Variants in ETS1 observed in about 807,000 individuals in gnomAD.
ETS1 encodes protein C-ets-1.
A neutral mutation model predicts 58.6 loss-of-function variants in ETS1; 15 were observed. The observed-to-expected ratio is 0.26, with a 90% CI of 0.17 to 0.39. The LOEUF (loss-of-function observed/expected upper bound fraction) is 0.39, where lower values mean the gene tolerates loss of function less well. Among genes scored for constraint, ETS1 ranks in the 10% least tolerant of loss-of-function variants. ETS1 has a pLI of 1.00. For missense variants in ETS1, 417 were observed against 610.5 expected (o/e 0.68, Z 3.34); for synonymous variants, 214 against 218.2 (o/e 0.98, Z 0.17).
chr11:128,573,113 A>C lies in ETS1; in HGVS notation c.18T>G (p.Asp6Glu). MSYFV[D>E]SAGSSPVPYS... ...AAGGGACGGGGCTGCTCCCAGCAGA[A>C]TCCACAAAGTAGCTCATTCTGCTCT... is the stretch of plus-strand genomic sequence containing the variant. The change falls in exon 2 of 10, where the codon GAT becomes GAG. Residue 6 changes from aspartate to glutamate, a missense_variant. Asp to Glu is a conservative substitution (Grantham distance 45). Coordinates refer to ENST00000392668, the MANE Select transcript of ETS1 (RefSeq NM_001143820.2). The C allele has an allele frequency of 6.3e-7, 1 of 1,597,416 alleles. No homozygotes were observed. The highest frequency in any genetic ancestry group is 1.3e-5 in the African/African-American group (1 of 74,786).
intron 8 of ETS1, among the ~76,000 whole-genome samples, chr11:128,474,949 C>T (rs1163858720): frequency 6.6e-6 from 1 of 152,266 alleles, no homozygotes; most frequent in African/African-American, 2.4e-5. Flanking sequence ...CCAGCTTTGC[C>T]TGGCCTGCAG....
intron 2 of ETS1, among the ~76,000 whole-genome samples, chr11:128,566,601 G>A (rs1380182519): frequency 6.6e-6 from 1 of 151,948 alleles, no homozygotes; most frequent in Non-Finnish European, 1.5e-5. Flanking sequence ...GGCTAACACA[G>A]TGAAACCCCG....
rs544786015 is a variant in ETS1, at chr11:128,508,980, T to C, written c.215-18404A>G. On this transcript the variant is annotated intron_variant, in intron 3 of 9. Transcript: ENST00000392668. Reference sequence around the variant, plus strand: ...TCACTCTCTGCCTGCACCATGCCACTAGGCAGATATTTTGATCAAAGCCAG... The same window carrying C: ...TCACTCTCTGCCTGCACCATGCCACCAGGCAGATATTTTGATCAAAGCCAG... 2.5e-4 allele frequency among the ~76,000 whole-genome samples: 38 copies of C among 152,270 alleles called. No individual in the cohort carries two copies. The East Asian group carries it at 7.1e-3, about 29-fold the overall frequency.
At chr11:128,577,475 G>C (rs965902766) in intron 1 of ETS1, among the ~76,000 whole-genome samples, 1 of 152,214 alleles carries the variant, frequency 6.6e-6, no homozygotes, top group Non-Finnish European at 1.5e-5. Context: ...CCAAGGGGGA[G>C]ATTTAGTTCA....
chr11:128,541,499 T>C (rs975772395), intron 3 of ETS1, among the ~76,000 whole-genome samples: 2 of 152,196 alleles, frequency 1.3e-5, no homozygotes, highest in African/African-American at 4.8e-5. Flanking sequence ...CAGAAATAAA[T>C]GGTGAAGTCC....
intron 3 of ETS1, among the ~76,000 whole-genome samples, chr11:128,496,692 T>C (rs763494916): frequency 6.6e-6 from 1 of 152,184 alleles, no homozygotes; most frequent in Non-Finnish European, 1.5e-5. Context: ...AGACAGTCTC[T>C]ATTGCCCTCT....
intron 3 of ETS1, among the ~76,000 whole-genome samples, chr11:128,550,839 T>TCC (rs1864217931): frequency 6.6e-6 from 1 of 152,226 alleles, no homozygotes; most frequent in Non-Finnish European, 1.5e-5. Flanking sequence ...TAGTTGGGCA[T>TCC]TAGCATAGAC....
chr11:128,554,901 T>C (rs1565407904), intron 3 of ETS1, among the ~76,000 whole-genome samples: 1 of 152,178 alleles, frequency 6.6e-6, no homozygotes, highest in Non-Finnish European at 1.5e-5. Flanking sequence ...TTTTCTCATG[T>C]CCTCAAATTT....
chr11:128,561,583 C>T (rs1458809315), intron 2 of ETS1, among the ~76,000 whole-genome samples: 4 of 151,756 alleles, frequency 2.6e-5, no homozygotes, highest in African/African-American at 7.3e-5. Flanking sequence ...CCATGGGTGT[C>T]GAGGGGAAGA....
rs985834276 is a variant in ETS1, at chr11:128,460,787, G to C, written c.*1574C>G. 1 of 152,230 alleles carries C rather than the reference G, an allele frequency of 6.6e-6. No individual in the cohort carries two copies. Among genetic ancestry groups the C allele is most frequent in the African/African-American group, 2.4e-5 (1 of 41,392 alleles). The allele number at this position is 152,230 out of a possible 1,614,324, so 9.4% of individuals were successfully genotyped here. ...CATGGACAACCTTATTTTCCTCACT[G>C]AACCTCCTTCCTTAGTTTCCTTTGC... On this transcript the variant is annotated 3_prime_UTR_variant, in exon 10 of 10. Coordinates refer to ENST00000392668, the MANE Select transcript of ETS1 (RefSeq NM_001143820.2).
intron 3 of ETS1, among the ~76,000 whole-genome samples, chr11:128,514,352 C>G (rs1308127012): frequency 6.6e-6 from 1 of 152,174 alleles, no homozygotes; most frequent in Non-Finnish European, 1.5e-5. Flanking sequence ...TCAAAACGCT[C>G]TTTGGGTCCT....
chr11:128,556,230 C>A, intron 3 of ETS1, 61 bp downstream of exon 3: 1 of 1,415,446 alleles, frequency 7.1e-7, no homozygotes, highest in Non-Finnish European at 9.7e-7. Flanking sequence ...ATGCAGCCCT[C>A]ATCACATTTC....
At chr11:128,485,103 G>C (rs775097970) in intron 6 of ETS1, 32 bp from the exon 7 acceptor site, 1 of 1,594,836 alleles carries the variant, frequency 6.3e-7, no homozygotes, top group South Asian at 1.1e-5. Context: ...GTAAAGAGAG[G>C]AGAGATTTGT....
At chr11:128,475,844 C>T (rs989617329) in intron 8 of ETS1, among the ~76,000 whole-genome samples, 1 of 151,968 alleles carries the variant, frequency 6.6e-6, no homozygotes, top group East Asian at 1.9e-4. Flanking sequence ...AGCCACCGCA[C>T]CCGGCCCGGG....
intron 3 of ETS1, among the ~76,000 whole-genome samples, chr11:128,551,920 A>G (rs1381506451): frequency 1.3e-5 from 2 of 152,204 alleles, no homozygotes; most frequent in Non-Finnish European, 2.9e-5. Flanking sequence ...AGAACTTGTT[A>G]GAAATGCAAA....
intron 3 of ETS1, among the ~76,000 whole-genome samples, chr11:128,521,364 T>A (rs936259183): frequency 6.6e-6 from 1 of 152,108 alleles, no homozygotes; most frequent in Non-Finnish European, 1.5e-5. Flanking sequence ...GAGGATAATT[T>A]CAATTCTCCT....
Position 128,485,082 on chromosome 11 carries a change from AG to A in ETS1, c.614-12del. 6.2e-7 allele frequency: 1 copy of A among 1,605,380 alleles called. No individual in the cohort carries two copies. Among genetic ancestry groups the A allele is most frequent in the Non-Finnish European group, 8.5e-7 (1 of 1,173,516 alleles). ...GCTCAATACCATAGCCTGGAAACAA[AG>A]GGTTTGCAAGTAAAGAGAGGAGAGA... On this transcript the variant is annotated splice_polypyrimidine_tract_variant and intron_variant, in intron 6 of 9. Transcript: ENST00000392668.
At chr11:128,551,235 C>T (rs1039117897) in intron 3 of ETS1, among the ~76,000 whole-genome samples, 3 of 152,230 alleles carry the variant, frequency 2.0e-5, no homozygotes, top group Non-Finnish European at 4.4e-5. Context: ...TTTAACAAGT[C>T]TCTCTGGCAC....
chr11:128,542,264 G>A (rs937368618), intron 3 of ETS1, among the ~76,000 whole-genome samples: 2 of 152,174 alleles, frequency 1.3e-5, no homozygotes, highest in Admixed American at 6.5e-5. Context: ...GGCATTCTTT[G>A]ATGAGGTCTA....
Sources: allele counts gnomAD v4.1 joint callset (sites outside exome capture counted in the v4.1 genomes callset), GRCh38; gene constraint gnomAD v4.1.1; transcripts MANE v1.5; gene names NCBI Gene and HGNC (gene_info 2026-07-23, HGNC 2026-07-21).